The following KIR2DL4 variants were observed in gnomAD, a reference collection of about 807,000 sequenced individuals.
KIR2DL4 encodes the protein killer cell immunoglobulin like receptor, two Ig domains and long cytoplasmic tail 4.
A neutral mutation model predicts 31.0 loss-of-function variants in KIR2DL4; 41 were observed. That is an observed-to-expected ratio of 1.32 (90% CI 1.03 to 1.72). KIR2DL4 has a LOEUF of 1.72. Among genes scored for constraint, KIR2DL4 ranks in the 40% most tolerant of loss-of-function variants. The pLI is 0.00. For missense variants in KIR2DL4, 438 were observed against 353.7 expected, an observed-to-expected ratio of 1.24 and a Z score of -1.91; for synonymous variants, 164 against 133.6, an observed-to-expected ratio of 1.23 and a Z score of -1.57.
rs766364834 is a variant in KIR2DL4 at position 54,806,000 on chromosome 19, C to T, written c.411C>T (p.Arg137=). Residue 137 remains arginine (R), a synonymous_variant, in exon 4 of 8, where the codon CGC becomes CGT. Coordinates refer to ENST00000359085, the Ensembl canonical transcript of KIR2DL4. Reference sequence around the variant, plus strand: ...CAGCCCGGCCGGGCCCCACGGTTCGCGCAGGAGAGAACGTGACCTTGTCCT... The same window carrying T: ...CAGCCCGGCCGGGCCCCACGGTTCGTGCAGGAGAGAACGTGACCTTGTCCT... 45 of 1,610,428 alleles carry T rather than the reference C, an allele frequency of 2.8e-5. 2 individuals are homozygous for T. Among genetic ancestry groups the T allele is most frequent in the South Asian group, 1.9e-4 (17 of 90,496 alleles).
At chr19:54,810,828 A>G (rs1025624374) in intron 5 of KIR2DL4, among the ~76,000 whole-genome samples, 2 of 151,398 alleles carry the variant, frequency 1.3e-5, no homozygotes, top group Non-Finnish European at 2.9e-5. Context: ...CCAGGTGCAT[A>G]ACTGGAATCT....
Position 54,804,777 on chromosome 19 carries a change from TCTC to T in KIR2DL4, c.77-13_77-11del. 2 of 1,608,576 alleles carry T rather than the reference TCTC, an allele frequency of 1.2e-6. No homozygotes were observed. The highest frequency in any genetic ancestry group is 2.2e-5 in the South Asian group (2 of 90,150). ...CAACATACTCCTCTCTGAGGCGGCA[TCTC>T]CTTCTCCCCAAGGTGGTCAGGACAA... On this transcript the variant is annotated splice_polypyrimidine_tract_variant and intron_variant, in intron 2 of 7. Transcript: ENST00000359085.
At chr19:54,804,646 T>G in intron 2 of KIR2DL4, 147 bp from the exon 3 acceptor site, 1 of 765,992 alleles carries the variant, frequency 1.3e-6, no homozygotes, top group Non-Finnish European at 2.1e-6. Flanking sequence ...ACGCCACGTC[T>G]ATGCGGGATG....
At chr19:54,805,952 T>G in exon 4 of KIR2DL4, 1 of 1,603,542 alleles carries the variant, frequency 6.2e-7, no homozygotes, top group Middle Eastern at 1.7e-4. Context: ...TCCTTCCAGG[T>G]CTATATGAGA....
chr19:54,810,840 G>T (rs1242123163), intron 5 of KIR2DL4, among the ~76,000 whole-genome samples: 4 of 151,380 alleles, frequency 2.6e-5, no homozygotes, highest in Non-Finnish European at 5.9e-5. Flanking sequence ...CTGGAATCTA[G>T]GAGACTGTGG....
intron 5 of KIR2DL4, chr19:54,813,053 A>G (rs1601226205): frequency 4.1e-6 from 5 of 1,226,664 alleles, no homozygotes; most frequent in Admixed American, 2.1e-5. Context: ...CCTGGCAACC[A>G]AGAAATGAGA....
intron 6 of KIR2DL4, chr19:54,813,301 T>A (rs1157488040): frequency 6.3e-7 from 1 of 1,584,768 alleles, no homozygotes; most frequent in Non-Finnish European, 8.6e-7. Context: ...CGCAGGTGTG[T>A]GTTCCTCACT....
At chr19:54,813,305 C>T in intron 6 of KIR2DL4, 1 of 1,582,326 alleles carries the variant, frequency 6.3e-7, no homozygotes, top group African/African-American at 1.4e-5. Context: ...GGTGTGTGTT[C>T]CTCACTGGCA....
chr19:54,808,923 TG>T, intron 5 of KIR2DL4, 40 bp downstream of exon 5: 2 of 1,522,052 alleles, frequency 1.3e-6, no homozygotes, highest in Non-Finnish European at 1.8e-6. Flanking sequence ...TTTGGAAACC[TG>T]GGGAGGTAGA....
chr19:54,814,316 ATCACACTGAGGAAC>A, exon 8 of KIR2DL4: 1 of 600,440 alleles, frequency 1.7e-6, no homozygotes. Context: ...TGAGGCTGCA[ATCACACTGAGGAAC>A]TCACAATTCC....
At chr19:54,810,666 G>A (rs1436415616) in intron 5 of KIR2DL4, among the ~76,000 whole-genome samples, 8 of 151,350 alleles carry the variant, frequency 5.3e-5, no homozygotes, top group Non-Finnish European at 1.0e-4. Flanking sequence ...ATGACAAGAC[G>A]ACTGTGGAGA....
At position 54,813,684 on chromosome 19, in the gene KIR2DL4, C is replaced by T. The variant is rs2061017107; in HGVS notation, c.811-6C>T. On this transcript the variant is annotated splice_polypyrimidine_tract_variant and splice_region_variant and intron_variant, in intron 6 of 7. Coordinates refer to ENST00000359085, the Ensembl canonical transcript of KIR2DL4. The stretch of plus-strand genomic sequence containing the variant: ...CAGCTGTTTTGATTGCTTCCGTCTC[C>T]TACAGATGCTGCTGTAATGAACCAA... 6.2e-7 allele frequency: 1 copy of T among 1,611,696 alleles called. No individual in the cohort carries two copies. The highest frequency in any genetic ancestry group is 1.7e-5 in the Admixed American group (1 of 59,848).
chr19:54,806,035 A>C, exon 4 of KIR2DL4: 1 of 1,610,664 alleles, frequency 6.2e-7, no homozygotes, highest in Non-Finnish European at 8.5e-7. Context: ...TGCAGCTCCC[A>C]GAGCTCCTTT....
intron 5 of KIR2DL4, among the ~76,000 whole-genome samples, chr19:54,812,943 C>T (rs1601224390): frequency 7.0e-6 from 1 of 143,558 alleles, no homozygotes; most frequent in East Asian, 2.1e-4. Context: ...ATCATCAGCA[C>T]ATTCTATTGT....
At chr19:54,812,241 G>A (rs1244240398) in intron 5 of KIR2DL4, among the ~76,000 whole-genome samples, 4 of 151,180 alleles carry the variant, frequency 2.6e-5, no homozygotes, top group African/African-American at 7.3e-5. Context: ...GATAAGCAGC[G>A]AGTGACAACA....
intron 3 of KIR2DL4, 70 bp downstream of exon 3, chr19:54,805,147 C>A: frequency 7.0e-7 from 1 of 1,436,878 alleles, no homozygotes; most frequent in African/African-American, 1.4e-5. Flanking sequence ...GTGGGGGTGT[C>A]CACCAGAGTC....
rs765986548 is a variant in KIR2DL4, at chr19:54,806,076, G to A, written c.487G>A (p.Ala163Thr). The change falls in exon 4 of 8, where the codon GCC becomes ACC. Residue 163 changes from alanine to threonine, a missense_variant. By Grantham distance (58) the Ala-to-Thr change is moderately conservative. Transcript: ENST00000359085. ...CTACCATCTATCCAGGGAGGGGGAA[G>A]CCCATGAACTTAGGCTCCCTGCAGT... The A allele has an allele frequency of 2.2e-5, 35 of 1,612,010 alleles. 1 individual carries two copies. In the African/African-American group the frequency reaches 4.0e-4, roughly 19 times the overall value.
chr19:54,812,620 C>T (rs1299137235), intron 5 of KIR2DL4, among the ~76,000 whole-genome samples: 3 of 150,234 alleles, frequency 2.0e-5, no homozygotes, highest in African/African-American at 5.0e-5. Flanking sequence ...TTTCTGGCTG[C>T]GGCCTCAGGC....
At chr19:54,813,336 C>T (rs2060990693) in intron 6 of KIR2DL4, 1 of 1,534,616 alleles carries the variant, frequency 6.5e-7, no homozygotes, top group South Asian at 1.2e-5. Flanking sequence ...TGGCCCAAGG[C>T]AGGAGCCAGA....
Sources: gnomAD v4.1 joint callset for allele counts (sites outside exome capture counted in the v4.1 genomes callset) on GRCh38, gnomAD v4.1.1 for gene constraint, MANE v1.5 for transcripts, NCBI Gene and HGNC (gene_info 2026-07-23, HGNC 2026-07-21) for gene names.